The following SLC30A6 variants were observed in gnomAD, a reference collection of about 807,000 sequenced individuals.
The protein encoded by SLC30A6 is zinc transporter 6.
Under a neutral mutation model 63.0 loss-of-function variants are expected in SLC30A6, and 55 were observed. The observed-to-expected ratio is 0.87, with a 90% CI of 0.70 to 1.09. The LOEUF is 1.09. Among genes scored for constraint, SLC30A6 ranks in the 50% least tolerant of loss-of-function variants. SLC30A6 has a pLI of 0.00. For synonymous variants in SLC30A6, 224 were observed against 186.1 expected, an observed-to-expected ratio of 1.20 and a Z score of -1.66; for missense variants, 587 against 549.2, an observed-to-expected ratio of 1.07 and a Z score of -0.69.
chr2:32,181,665 G>A (rs921954691), intron 4 of SLC30A6, among the ~76,000 whole-genome samples: 4 of 151,966 alleles, frequency 2.6e-5, no homozygotes, highest in African/African-American at 9.7e-5. Context: ...TCAGGAGTTC[G>A]AAACCACCCT....
chr2:32,184,217 A>G, intron 4 of SLC30A6, 56 bp from the exon 5 acceptor site: 1 of 990,324 alleles, frequency 1.0e-6, no homozygotes, highest in Admixed American at 2.9e-5. Context: ...AACTTAATTT[A>G]TCTTCACATG....
chr2:32,196,488 G>A (rs1393489017), intron 8 of SLC30A6, among the ~76,000 whole-genome samples: 1 of 152,068 alleles, frequency 6.6e-6, no homozygotes, highest in South Asian at 2.1e-4. Flanking sequence ...AGAGTTGAGG[G>A]AATTAATTTG....
intron 13 of SLC30A6, among the ~76,000 whole-genome samples, chr2:32,211,624 A>G (rs1472712365): frequency 7.1e-6 from 1 of 141,082 alleles, no homozygotes; most frequent in Non-Finnish European, 1.6e-5. Context: ...TTTTTTTTTT[A>G]TTTTTATTTT....
Position 32,171,299 on chromosome 2 carries a change from C to G in SLC30A6, c.16C>G (p.Leu6Val). The change falls in exon 2 of 14, where the codon CTC becomes GTC. Residue 6 changes from leucine (L) to valine (V), a missense_variant. Physicochemically the swap from Leu to Val is conservative, Grantham distance 32. Transcript: ENST00000282587. ...GTTTGTTTGAAAGGGGACAATTCATCTCTTTCGAAAACCACAAAGATCCTT... is the reference window on the plus strand; with the variant it reads ...GTTTGTTTGAAAGGGGACAATTCATGTCTTTCGAAAACCACAAAGATCCTT... MGTIHLFRKPQRSFFG... is the reference protein window; with the variant it reads MGTIHVFRKPQRSFFG... The G allele has an allele frequency of 6.2e-7, 1 of 1,613,616 alleles. No homozygotes were observed. The highest frequency in any genetic ancestry group is 2.2e-5 in the East Asian group (1 of 44,792).
intron 5 of SLC30A6, among the ~76,000 whole-genome samples, chr2:32,185,655 A>G (rs1682735376): frequency 6.6e-6 from 1 of 152,146 alleles, no homozygotes; most frequent in African/African-American, 2.4e-5. Context: ...AAAAATTTTA[A>G]TGCAAAATAA....
chr2:32,176,482 C>G (rs1455060990), intron 4 of SLC30A6, among the ~76,000 whole-genome samples: 1 of 151,692 alleles, frequency 6.6e-6, no homozygotes, highest in Non-Finnish European at 1.5e-5. Context: ...TATGGTGAAA[C>G]CCCGTCTCTA....
intron 8 of SLC30A6, 26 bp downstream of exon 8, chr2:32,194,009 T>A: frequency 5.1e-6 from 8 of 1,560,718 alleles, no homozygotes; most frequent in East Asian, 4.5e-5. Context: ...ACTATTAATT[T>A]AAAAATCCAA....
intron 8 of SLC30A6, among the ~76,000 whole-genome samples, chr2:32,195,688 T>C (rs1683726704): frequency 6.7e-6 from 1 of 148,774 alleles, no homozygotes; most frequent in Non-Finnish European, 1.5e-5. Flanking sequence ...ATTTTTATTA[T>C]ATTATATTAT....
At chr2:32,192,878 A>C in intron 6 of SLC30A6, 40 bp from the exon 7 acceptor site, 4 of 1,300,196 alleles carry the variant, frequency 3.1e-6, no homozygotes, top group Non-Finnish European at 3.1e-6. Flanking sequence ...TTAACTTTAT[A>C]ATTTATAGGA....
At chr2:32,195,460 G>A (rs1028639957) in intron 8 of SLC30A6, among the ~76,000 whole-genome samples, 4 of 151,728 alleles carry the variant, frequency 2.6e-5, no homozygotes, top group African/African-American at 9.7e-5. Flanking sequence ...GCATAATATT[G>A]TTATGAATAT....
At chr2:32,184,455 AATG>A (rs1682625411) in intron 5 of SLC30A6, 117 bp downstream of exon 5, 2 of 493,092 alleles carry the variant, frequency 4.1e-6, no homozygotes, top group South Asian at 1.1e-4. Context: ...TACTTAGTGA[AATG>A]ATGATCAGAT....
rs770373339 is a variant in SLC30A6, at chr2:32,193,912, T to C, written c.425T>C (p.Phe142Ser). The change falls in exon 8 of 14, where the codon TTT becomes TCT. Residue 142 changes from phenylalanine (F) to serine (S), a missense_variant. By Grantham distance (155) the Phe-to-Ser change is radical. Coordinates refer to ENST00000282587, the MANE Select transcript of SLC30A6 (RefSeq NM_017964.5). The part of the protein sequence containing the change: ...IHTGRLLVGT[F>S]VALCFNLFTM... The stretch of plus-strand genomic sequence containing the variant: ...AGGGGAAGATTATTAGTTGGTACTT[T>C]TGTGGCTCTTTGTTTCAACCTGTTC... The C allele has an allele frequency of 5.0e-6, 8 of 1,613,466 alleles. No individual in the cohort carries two copies. In the East Asian group the frequency reaches 1.6e-4, roughly 32 times the overall value.
At chr2:32,194,118 C>CA (rs1573337443) in intron 8 of SLC30A6, 135 bp downstream of exon 8, 1 of 561,652 alleles carries the variant, frequency 1.8e-6, no homozygotes, top group East Asian at 3.4e-5. Flanking sequence ...CAAATGTTCT[C>CA]AAGTCTTTTT....
At chr2:32,214,195 A>G (rs917522418) in intron 13 of SLC30A6, among the ~76,000 whole-genome samples, 2 of 152,132 alleles carry the variant, frequency 1.3e-5, no homozygotes, top group East Asian at 1.9e-4. Flanking sequence ...TCGGCCTCCC[A>G]AAGTGCTGGG....
At chr2:32,171,697 T>TTTA (rs1491389229) in intron 2 of SLC30A6, among the ~76,000 whole-genome samples, 1 of 34,926 alleles carries the variant, frequency 2.9e-5, no homozygotes, top group Non-Finnish European at 5.9e-5. Flanking sequence ...CTTTTATTTA[T>TTTA]TTTTTTTTTT....
rs762225480 is a variant in SLC30A6 at position 32,197,792 on chromosome 2, G to C, written c.631G>C (p.Ala211Pro). The C allele has an allele frequency of 1.2e-6, 2 of 1,614,000 alleles. No individual in the cohort carries two copies. The highest frequency in any genetic ancestry group is 1.7e-6 in the Non-Finnish European group (2 of 1,179,992). The stretch of plus-strand genomic sequence containing the variant: ...TTTGATTGATCTTGCTGGAGCATTT[G>C]CTCTTTGTATTACATATATGCTCAT... The part of the protein sequence containing the change: ...FVLIDLAGAF[A>P]LCITYMLIEI... Residue 211 changes from alanine (A) to proline (P), a missense_variant, in exon 10 of 14, where the codon GCT (alanine) becomes CCT (proline). Transcript: ENST00000282587.
At chr2:32,182,110 A>T (rs1406922233) in intron 4 of SLC30A6, among the ~76,000 whole-genome samples, 3 of 151,224 alleles carry the variant, frequency 2.0e-5, no homozygotes, top group African/African-American at 7.3e-5. Context: ...ATTTTTGTGT[A>T]TTTTTGTGGT....
intron 8 of SLC30A6, among the ~76,000 whole-genome samples, chr2:32,196,708 A>T (rs576075550): frequency 6.6e-6 from 1 of 152,222 alleles, no homozygotes; most frequent in African/African-American, 2.4e-5. Context: ...CAGATTTGGG[A>T]TCCTCAGCCT....
chr2:32,216,419 C>G (rs921416454), intron 13 of SLC30A6, among the ~76,000 whole-genome samples: 3 of 152,092 alleles, frequency 2.0e-5, no homozygotes, highest in Admixed American at 2.0e-4. Context: ...GCCTATAATC[C>G]CAGCTACTTG....
Sources: allele counts gnomAD v4.1 joint callset (sites outside exome capture counted in the v4.1 genomes callset), GRCh38; gene constraint gnomAD v4.1.1; transcripts MANE v1.5; gene names NCBI Gene and HGNC (gene_info 2026-07-23, HGNC 2026-07-21).